The following SOX5 variants were observed in gnomAD, a reference collection of about 807,000 sequenced individuals.
The protein encoded by SOX5 is transcription factor SOX-5.
A neutral mutation model predicts 92.0 loss-of-function variants in SOX5; 9 were observed. The observed-to-expected ratio is 0.10, with a 90% CI of 0.06 to 0.17. The LOEUF (loss-of-function observed/expected upper bound fraction) is 0.17. Ranked by LOEUF, SOX5 falls within the 10% of genes least tolerant of loss-of-function variation. The pLI is 1.00. For synonymous variants in SOX5, 344 were observed against 336.3 expected, an observed-to-expected ratio of 1.02 and a Z score of -0.25; for missense variants, 642 against 944.5, an observed-to-expected ratio of 0.68 and a Z score of 4.20.
chr12:23,888,814 A>C (rs2097098743), intron 2 of SOX5, among the ~76,000 whole-genome samples: 1 of 152,240 alleles, frequency 6.6e-6, no homozygotes, highest in South Asian at 2.1e-4. Flanking sequence ...GTAACAATGT[A>C]ATTTCATTGT....
chr12:24,264,687 C>T (rs1942752511), intron 3 of SOX5, among the ~76,000 whole-genome samples: 1 of 152,048 alleles, frequency 6.6e-6, no homozygotes, highest in South Asian at 2.1e-4. Flanking sequence ...AATGCAGAGC[C>T]TTAAAAAATC....
intron 4 of SOX5, among the ~76,000 whole-genome samples, chr12:24,080,830 A>T (rs1569536379): frequency 6.6e-6 from 1 of 151,990 alleles, no homozygotes; most frequent in African/African-American, 2.4e-5. Flanking sequence ...AGGGGGAAGA[A>T]ATGGCATTGT....
intron 3 of SOX5, among the ~76,000 whole-genome samples, chr12:23,817,057 G>A (rs140484070): frequency 3.0e-4 from 45 of 152,278 alleles, no homozygotes; most frequent in African/African-American, 8.7e-4. Context: ...CCATATTTGT[G>A]TTATATATTT....
intron 4 of SOX5, among the ~76,000 whole-genome samples, chr12:24,209,598 GTAAA>G (rs1958373449): frequency 6.6e-6 from 1 of 152,090 alleles, no homozygotes; most frequent in Admixed American, 6.5e-5. Context: ...AAACTTTTTG[GTAAA>G]TACTTATTTG....
At chr12:23,787,437 T>G (rs1287738009) in intron 3 of SOX5, among the ~76,000 whole-genome samples, 2 of 151,986 alleles carry the variant, frequency 1.3e-5, no homozygotes, top group African/African-American at 4.8e-5. Flanking sequence ...ACCGACTAAT[T>G]TTATATTAAA....
chr12:24,426,256 G>A (rs916231367), intron 1 of SOX5, among the ~76,000 whole-genome samples: 8 of 151,496 alleles, frequency 5.3e-5, no homozygotes, highest in African/African-American at 1.7e-4. Flanking sequence ...CTCATAGGTG[G>A]GAATTGAACA....
chr12:23,915,176 G>A (rs1398440342), intron 1 of SOX5, among the ~76,000 whole-genome samples: 2 of 152,018 alleles, frequency 1.3e-5, no homozygotes, highest in African/African-American at 4.8e-5. Flanking sequence ...AAGTAAATGA[G>A]TACATATAGA....
chr12:24,171,753 A>T (rs1954199955), intron 4 of SOX5, among the ~76,000 whole-genome samples: 1 of 151,980 alleles, frequency 6.6e-6, no homozygotes, highest in Non-Finnish European at 1.5e-5. Flanking sequence ...ATCTCAGCAC[A>T]TTGGGAGATT....
chr12:23,827,164 T>C (rs776917099), intron 3 of SOX5, among the ~76,000 whole-genome samples: 8 of 152,166 alleles, frequency 5.3e-5, no homozygotes, highest in Non-Finnish European at 7.4e-5. Context: ...TAGAAGGAGT[T>C]AAAAAAGACA....
intron 4 of SOX5, among the ~76,000 whole-genome samples, chr12:23,966,459 G>C (rs1947593518): frequency 1.7e-5 from 2 of 119,272 alleles, no homozygotes; most frequent in African/African-American, 7.0e-5. Flanking sequence ...TGAAATTAAA[G>C]AAATGCAATG....
intron 6 of SOX5, among the ~76,000 whole-genome samples, chr12:23,699,067 A>G (rs1426008896): frequency 6.6e-6 from 1 of 152,212 alleles, no homozygotes; most frequent in Non-Finnish European, 1.5e-5. Context: ...TATTCAGAAA[A>G]GACCTGATGA....
intron 1 of SOX5, among the ~76,000 whole-genome samples, chr12:24,510,552 T>A (rs1325511540): frequency 6.6e-6 from 1 of 152,214 alleles, no homozygotes; most frequent in Middle Eastern, 3.4e-3. Flanking sequence ...GGTAGATAAG[T>A]AGGTAGAACA....
chr12:24,113,882 G>T (rs1309324473), intron 4 of SOX5, among the ~76,000 whole-genome samples: 1 of 152,212 alleles, frequency 6.6e-6, no homozygotes, highest in Non-Finnish European at 1.5e-5. Flanking sequence ...AAGCTTGGCA[G>T]TTAATAGAAT....
At chr12:23,536,976 A>G (rs1004642874) in intron 13 of SOX5, among the ~76,000 whole-genome samples, 4 of 152,160 alleles carry the variant, frequency 2.6e-5, no homozygotes, top group Admixed American at 6.5e-5. Context: ...AGATCATGAT[A>G]TAATTCACAT....
intron 3 of SOX5, among the ~76,000 whole-genome samples, chr12:23,835,616 A>G (rs1453217987): frequency 1.3e-5 from 2 of 151,894 alleles, no homozygotes; most frequent in African/African-American, 4.8e-5. Context: ...ATTGAGGCAT[A>G]AGAAATTTAC....
chr12:24,369,339 G>A (rs1269757785), intron 1 of SOX5, among the ~76,000 whole-genome samples: 3 of 152,122 alleles, frequency 2.0e-5, no homozygotes, highest in Admixed American at 6.5e-5. Flanking sequence ...TTTGCCTCTC[G>A]AAGGGGCCAG....
intron 4 of SOX5, among the ~76,000 whole-genome samples, chr12:24,157,401 T>C (rs577000342): frequency 6.6e-6 from 1 of 152,248 alleles, no homozygotes; most frequent in Non-Finnish European, 1.5e-5. Context: ...ATAAGCTTAA[T>C]TAAAACAATA....
At chr12:23,843,024 C>T (rs4366570) in intron 3 of SOX5, among the ~76,000 whole-genome samples, 38,712 of 152,052 alleles carry the variant, frequency 0.25, 6,072 homozygotes, top group East Asian at 0.77. Flanking sequence ...ATGTAACTGA[C>T]ATGAGGTGAG....
At chr12:23,580,809 G>A (rs1267578598) in intron 9 of SOX5, among the ~76,000 whole-genome samples, 1 of 151,894 alleles carries the variant, frequency 6.6e-6, no homozygotes, top group Non-Finnish European at 1.5e-5. Context: ...CACTATAGAG[G>A]CCTTAATCAG....
Sources: allele counts gnomAD v4.1 joint callset (sites outside exome capture counted in the v4.1 genomes callset), GRCh38; gene constraint gnomAD v4.1.1; transcripts MANE v1.5; gene names NCBI Gene and HGNC (gene_info 2026-07-23, HGNC 2026-07-21).